ABCB5: variants seen among roughly 807,000 people sequenced by gnomAD.
The protein encoded by ABCB5 is ATP binding cassette subfamily B member 5, also known as ATP-binding cassette sub-family B member 5.
A neutral mutation model predicts 144.2 loss-of-function variants in ABCB5; 155 were observed. That is an observed-to-expected ratio of 1.08 (90% CI 0.94 to 1.23). The LOEUF (loss-of-function observed/expected upper bound fraction) is 1.23, where lower values mean the gene tolerates loss of function less well. Ranked by LOEUF, ABCB5 falls within the 50% of genes most tolerant of loss-of-function variation. The pLI is 0.00. For synonymous variants in ABCB5, 610 were observed against 528.6 expected, an observed-to-expected ratio of 1.15 and a Z score of -2.11; for missense variants, 1,830 against 1,520.8, an observed-to-expected ratio of 1.20 and a Z score of -3.38.
rs192930306 is a variant in ABCB5, at chr7:20,630,663, A to G, written c.260-1396A>G. ...GAGCCAATTCACTGAGTAAACATTT[A>G]TTGATTGTCTACTACATCTCCATGA... On this transcript the variant is annotated intron_variant, in intron 4 of 27. Transcript: ENST00000404938. 9.8e-5 allele frequency among the ~76,000 whole-genome samples: 15 copies of G among 152,324 alleles called. No individual in the cohort carries two copies. In the East Asian group the frequency reaches 2.9e-3, roughly 29 times the overall value.
At chr7:20,714,030 G>T (rs917015029) in intron 20 of ABCB5, among the ~76,000 whole-genome samples, 3 of 152,170 alleles carry the variant, frequency 2.0e-5, no homozygotes, top group Admixed American at 1.3e-4. Context: ...AGCAACCACA[G>T]GGGTCACCTT....
chr7:20,618,764 C>CTTTTTTTTTT lies in ABCB5; in HGVS notation c.-22+2946_-22+2955dup. Among the ~76,000 whole-genome samples the CTTTTTTTTTT allele has an allele frequency of 3.1e-3, 160 of 51,580 alleles. 31 individuals are homozygous for CTTTTTTTTTT. The highest frequency in any genetic ancestry group is 0.019 in the Middle Eastern group (1 of 54). The allele number at this position is 51,580 out of a possible 152,430, so 33.8% of individuals were successfully genotyped here. A position where few individuals can be genotyped will look rare whatever the true frequency, so the allele number is the denominator to read the frequency against. ...TCATGGCATATATGTGCTGCATTTT[C>CTTTTTTTTTT]TTTTTTTTTTTTTTTTTTTTTTTTT... On this transcript the variant is annotated intron_variant, in intron 1 of 27. Coordinates refer to ENST00000404938, the MANE Select transcript of ABCB5 (RefSeq NM_001163941.2).
At chr7:20,727,251 C>T (rs1782066376) in intron 22 of ABCB5, 111 bp downstream of exon 22, 2 of 617,118 alleles carry the variant, frequency 3.2e-6, no homozygotes, top group South Asian at 5.6e-5. Flanking sequence ...TGAGCCTTTC[C>T]TAATAATGTC....
chr7:20,654,327 C>T (rs1012984770), intron 13 of ABCB5, among the ~76,000 whole-genome samples: 1 of 152,006 alleles, frequency 6.6e-6, no homozygotes, highest in African/African-American at 2.4e-5. Context: ...GAAACATAAT[C>T]CTAAAAGTTT....
At chr7:20,667,705 C>A (rs1785247540) in intron 14 of ABCB5, 1 of 156,226 alleles carries the variant, frequency 6.4e-6, no homozygotes, top group Non-Finnish European at 1.3e-5. Flanking sequence ...GCCCCTGCCC[C>A]TGCCCCTGCC....
intron 23 of ABCB5, among the ~76,000 whole-genome samples, chr7:20,732,344 C>A (rs998199451): frequency 7.2e-5 from 11 of 152,202 alleles, no homozygotes; most frequent in Admixed American, 2.0e-4. Flanking sequence ...TCTTTCCCAT[C>A]ACCATATTTT....
intron 20 of ABCB5, among the ~76,000 whole-genome samples, chr7:20,708,035 G>A (rs886656416): frequency 6.6e-6 from 1 of 151,914 alleles, no homozygotes; most frequent in African/African-American, 2.4e-5. Flanking sequence ...TCGATCTCCT[G>A]ACCTCGTGAT....
At position 20,739,022 on chromosome 7, in the gene ABCB5, AG is replaced by A. The variant is rs754572690; in HGVS notation, c.2908del (p.Glu970LysfsTer29). ...AIAYGAMAIG[E>X]TLVLAPEYSK... The stretch of plus-strand genomic sequence containing the variant: ...TTGCATATGGAGCTATGGCCATCGG[AG>A]AAACGCTCGTTTTGGCTCCTGAATA... On this transcript the variant is annotated frameshift_variant, in exon 24 of 28. Transcript: ENST00000404938. LOFTEE classifies it high-confidence loss of function. 1.7e-5 allele frequency: 27 copies of A among 1,612,314 alleles called. No homozygotes were observed. The highest frequency in any genetic ancestry group is 2.1e-5 in the Non-Finnish European group (25 of 1,179,348).
At chr7:20,685,535 A>G (rs189257642) in intron 15 of ABCB5, among the ~76,000 whole-genome samples, 161 bp from the exon 16 acceptor site, 1 of 152,244 alleles carries the variant, frequency 6.6e-6, no homozygotes, top group Admixed American at 6.5e-5. Flanking sequence ...AGATAGACTT[A>G]TCAGCTCTCT....
chr7:20,631,934 CTGCGTG>C (rs139942575), intron 4 of ABCB5, 119 bp from the exon 5 acceptor site: 12,518 of 468,118 alleles, frequency 0.027, 204 homozygotes, highest in Non-Finnish European at 0.036. Context: ...TGATAATAAA[CTGCGTG>C]TGGGCAGTAA....
chr7:20,647,384 G>A, intron 9 of ABCB5, 151 bp from the exon 10 acceptor site: 1 of 1,378,278 alleles, frequency 7.3e-7, no homozygotes, highest in Non-Finnish European at 9.3e-7. Flanking sequence ...TGTAATCTGT[G>A]TTCTTTTTTA....
At chr7:20,692,748 A>G (rs1304687071) in intron 16 of ABCB5, among the ~76,000 whole-genome samples, 1 of 152,114 alleles carries the variant, frequency 6.6e-6, no homozygotes, top group East Asian at 1.9e-4. Flanking sequence ...AAAGTATTAT[A>G]TTTTAAGGTT....
intron 21 of ABCB5, among the ~76,000 whole-genome samples, chr7:20,724,978 T>G (rs1781990257): frequency 6.6e-6 from 1 of 152,202 alleles, no homozygotes; most frequent in African/African-American, 2.4e-5. Context: ...CTTGTCTAAT[T>G]TAAACATTGC....
At chr7:20,659,596 T>A (rs1784933388) in intron 14 of ABCB5, 1 of 993,012 alleles carries the variant, frequency 1.0e-6, no homozygotes, top group South Asian at 4.5e-5. Context: ...GCTTGTGTGA[T>A]AAATAATCTT....
chr7:20,723,433 A>T (rs1781938020), intron 21 of ABCB5, among the ~76,000 whole-genome samples: 1 of 152,234 alleles, frequency 6.6e-6, no homozygotes, highest in Non-Finnish European at 1.5e-5. Flanking sequence ...TACATGATTT[A>T]GAGCACAGGC....
At chr7:20,694,371 C>A (rs554605885) in intron 16 of ABCB5, among the ~76,000 whole-genome samples, 67 of 151,854 alleles carry the variant, frequency 4.4e-4, no homozygotes, top group Middle Eastern at 3.4e-3. Context: ...AAAGAAAAAA[C>A]CAATTATCTC....
intron 9 of ABCB5, 200 bp from the exon 10 acceptor site, chr7:20,647,335 G>A (rs1217108307): frequency 7.5e-7 from 1 of 1,333,366 alleles, no homozygotes; most frequent in Non-Finnish European, 9.5e-7. Context: ...GGATTAATCT[G>A]TGTTTCTATT....
chr7:20,658,550 A>T lies in ABCB5; in HGVS notation c.1581A>T (p.Gly527=). The T allele has an allele frequency of 6.2e-7, 1 of 1,614,160 alleles. No homozygotes were observed. Among genetic ancestry groups the T allele is most frequent in the Non-Finnish European group, 8.5e-7 (1 of 1,180,018 alleles). ...GGGAAAAAGGAGCTCAAATGAGTGGAGGGCAGAAACAGAGGATCGCAATTG... is the reference window on the plus strand; with the variant it reads ...GGGAAAAAGGAGCTCAAATGAGTGGTGGGCAGAAACAGAGGATCGCAATTG... ...LVGEKGAQMS[G]GQKQRIAIAR... Residue 527 remains glycine, a synonymous_variant, in exon 14 of 28, where the codon GGA becomes GGT. Coordinates refer to ENST00000404938, the MANE Select transcript of ABCB5 (RefSeq NM_001163941.2).
chr7:20,669,843 G>A (rs988417167), intron 14 of ABCB5, among the ~76,000 whole-genome samples: 1 of 149,710 alleles, frequency 6.7e-6, no homozygotes, highest in African/African-American at 2.5e-5. Context: ...TGCCTTCGCG[G>A]TTGTCAGGTT....
Sources: gnomAD v4.1 joint callset for allele counts (sites outside exome capture counted in the v4.1 genomes callset) on GRCh38, gnomAD v4.1.1 for gene constraint, MANE v1.5 for transcripts, NCBI Gene and HGNC (gene_info 2026-07-23, HGNC 2026-07-21) for gene names.